Variants in IMPG2 observed in about 807,000 individuals in gnomAD.
IMPG2 encodes the protein IPM 200.
Under a neutral mutation model 129.2 loss-of-function variants are expected in IMPG2, and 91 were observed. The ratio of observed to expected loss-of-function variants is 0.70; its 90% CI spans 0.59 to 0.84. The LOEUF (loss-of-function observed/expected upper bound fraction) is 0.84, where lower values mean the gene tolerates loss of function less well. IMPG2 is among the 40% of genes least tolerant of loss of function. The pLI, the probability that IMPG2 is intolerant of heterozygous loss-of-function variation, is 0.00. For missense variants in IMPG2, 1,430 were observed against 1,461.7 expected (o/e 0.98, Z 0.35); for synonymous variants, 510 against 517.7 (o/e 0.99, Z 0.20).
chr3:101,268,113 C>A (rs1706741131), intron 8 of IMPG2, among the ~76,000 whole-genome samples: 1 of 152,010 alleles, frequency 6.6e-6, no homozygotes, highest in African/African-American at 2.4e-5. Flanking sequence ...AAACTACAGA[C>A]CAAAGAAGAT....
At chr3:101,232,231 T>TA (rs1226950931) in intron 15 of IMPG2, among the ~76,000 whole-genome samples, 2 of 151,012 alleles carry the variant, frequency 1.3e-5, no homozygotes, top group Admixed American at 6.6e-5. Context: ...TTATTTTTTT[T>TA]TTATTTATTT....
intron 2 of IMPG2, among the ~76,000 whole-genome samples, chr3:101,318,051 A>C (rs2058793974): frequency 6.6e-6 from 1 of 151,566 alleles, no homozygotes; most frequent in Non-Finnish European, 1.5e-5. Flanking sequence ...CAGGAGAATC[A>C]CTTGAACCCA....
chr3:101,253,165 G>A (rs1489023851), intron 11 of IMPG2, among the ~76,000 whole-genome samples: 5 of 152,090 alleles, frequency 3.3e-5, no homozygotes, highest in East Asian at 1.9e-4. Flanking sequence ...CTATGCAAGC[G>A]GGAATGTTTT....
chr3:101,267,717 T>G (rs1181395916), intron 8 of IMPG2, among the ~76,000 whole-genome samples, 186 bp from the exon 9 acceptor site: 1 of 152,242 alleles, frequency 6.6e-6, no homozygotes, highest in African/African-American at 2.4e-5. Flanking sequence ...CATTTTATTT[T>G]AAAACCATGG....
At chr3:101,243,379 C>T in intron 13 of IMPG2, 150 bp downstream of exon 13, 1 of 737,620 alleles carries the variant, frequency 1.4e-6, no homozygotes, top group South Asian at 1.7e-5. Flanking sequence ...CTTACCAACC[C>T]TAGGCCATGA....
At chr3:101,306,169 G>C (rs1408335390) in intron 2 of IMPG2, among the ~76,000 whole-genome samples, 1 of 152,104 alleles carries the variant, frequency 6.6e-6, no homozygotes, top group Non-Finnish European at 1.5e-5. Flanking sequence ...AATAATTACT[G>C]CCTTATTATC....
chr3:101,283,289 T>C (rs1297253134), intron 4 of IMPG2, among the ~76,000 whole-genome samples: 1 of 152,174 alleles, frequency 6.6e-6, no homozygotes, highest in Admixed American at 6.5e-5. Flanking sequence ...CCTCCCAAAG[T>C]GCTGGGATTA....
intron 2 of IMPG2, among the ~76,000 whole-genome samples, chr3:101,306,682 T>C (rs937902573): frequency 2.0e-5 from 3 of 151,626 alleles, no homozygotes; most frequent in Admixed American, 6.6e-5. Context: ...TTGAAAAAAA[T>C]AACTATCTAC....
intron 6 of IMPG2, among the ~76,000 whole-genome samples, chr3:101,274,165 G>C (rs1706818241): frequency 6.6e-6 from 1 of 151,870 alleles, no homozygotes; most frequent in African/African-American, 2.4e-5. Flanking sequence ...CTCCAGCCTG[G>C]GTGACGGAGC....
intron 8 of IMPG2, among the ~76,000 whole-genome samples, chr3:101,268,823 T>G (rs1706748309): frequency 6.6e-6 from 1 of 152,164 alleles, no homozygotes; most frequent in Admixed American, 6.6e-5. Flanking sequence ...TCAGCTGCTC[T>G]GTTTCAAAAT....
rs1273636540 is a variant in IMPG2, at chr3:101,253,681, A to G, written c.1239+15T>C. The stretch of plus-strand genomic sequence containing the variant: ...GCTTGAGGGCCTGGTTCTAGCATAA[A>G]ACATAAAAACATACCAGAATAGATG... On this transcript the variant is annotated intron_variant, in intron 11 of 18. Transcript: ENST00000193391. The G allele has an allele frequency of 6.3e-7, 1 of 1,588,810 alleles. No individual in the cohort carries two copies. The highest frequency in any genetic ancestry group is 8.6e-7 in the Non-Finnish European group (1 of 1,158,656).
chr3:101,242,825 T>G lies in IMPG2; in HGVS notation c.2885A>C (p.Asn962Thr). 1 of 1,614,082 alleles carries G rather than the reference T, an allele frequency of 6.2e-7. No individual in the cohort carries two copies. The highest frequency in any genetic ancestry group is 8.5e-7 in the Non-Finnish European group (1 of 1,179,980). ...AGAATTGGCAAACTTCATTCGACTG[T>G]TCACCACAATGCTGCCATTTCTGAA... The part of the protein sequence containing the change: ...LNFRNGSIVV[N>T]SRMKFANSVP... The change falls in exon 14 of 19, where the codon AAC (asparagine) becomes ACC (threonine). Residue 962 changes from asparagine (N) to threonine (T), a missense_variant. Physicochemically the swap from Asn to Thr is moderately conservative, Grantham distance 65. Coordinates refer to ENST00000193391, the MANE Select transcript of IMPG2 (RefSeq NM_016247.4).
At chr3:101,284,190 G>T (rs1706921786) in intron 4 of IMPG2, among the ~76,000 whole-genome samples, 1 of 152,198 alleles carries the variant, frequency 6.6e-6, no homozygotes, top group Admixed American at 6.5e-5. Flanking sequence ...AGAGTTAATT[G>T]GGTTGGGGGC....
At position 101,229,574 on chromosome 3, in the gene IMPG2, G is replaced by A. The variant is rs111784356; in HGVS notation, c.3439C>T (p.Pro1147Ser). Residue 1147 changes from proline (P) to serine (S), a missense_variant, in exon 17 of 19, where the codon CCT (proline) becomes TCT (serine). By Grantham distance (74) the Pro-to-Ser change is moderately conservative. Coordinates refer to ENST00000193391, the MANE Select transcript of IMPG2 (RefSeq NM_016247.4). ...TTCTCAATAGATGAGAGGCTGTCAGGCTGCCTGCTGGAGCCACTAAAAGAA... is the reference window on the plus strand; with the variant it reads ...TTCTCAATAGATGAGAGGCTGTCAGACTGCCTGCTGGAGCCACTAAAAGAA... ...ESPFSGSSRQ[P>S]DSLSSIENAV... 3.6e-3 allele frequency: 5,780 copies of A among 1,613,846 alleles called. 166 individuals are homozygous for A. The African/African-American group carries it at 0.066, about 19-fold the overall frequency.
intron 16 of IMPG2, 26 bp from the exon 17 acceptor site, chr3:101,229,616 G>A (rs917957461): frequency 3.7e-6 from 6 of 1,601,038 alleles, no homozygotes; most frequent in Non-Finnish European, 5.1e-6. Flanking sequence ...GATGGATTCA[G>A]GCTCTTGTTT....
Position 101,257,574 on chromosome 3 carries a change from T to A in IMPG2, c.1108A>T (p.Asn370Tyr). Residue 370 changes from asparagine (N) to tyrosine (Y), a missense_variant, in exon 10 of 19, where the codon AAC becomes TAC. Coordinates refer to ENST00000193391, the MANE Select transcript of IMPG2 (RefSeq NM_016247.4). ...ETLQQNFLLG[N>Y]SSLNPDPDSL... ...TCAGGATCTGGATTCAAGGAAGAGT[T>A]CCCCAGCAAAAAATTCTGCTGCAAT... 1 of 1,613,344 alleles carries A rather than the reference T, an allele frequency of 6.2e-7. No individual in the cohort carries two copies. Among genetic ancestry groups the A allele is most frequent in the Non-Finnish European group, 8.5e-7 (1 of 1,179,506 alleles).
At chr3:101,232,501 G>T (rs1257997061) in intron 15 of IMPG2, among the ~76,000 whole-genome samples, 1 of 152,022 alleles carries the variant, frequency 6.6e-6, no homozygotes, top group Admixed American at 6.5e-5. Flanking sequence ...GCCTCCCAAA[G>T]TGCTGGGATT....
intron 10 of IMPG2, among the ~76,000 whole-genome samples, chr3:101,254,494 G>T (rs997336676): frequency 1.3e-5 from 2 of 152,026 alleles, no homozygotes; most frequent in Non-Finnish European, 2.9e-5. Flanking sequence ...TGCCCACGGG[G>T]GAGAGGGAAT....
At position 101,304,387 on chromosome 3, in the gene IMPG2, C is replaced by T. The variant is rs934994546; in HGVS notation, c.335-75G>A. ...TTCTTACAATGATCATAGACTGATT[C>T]GTACAGATTCCTTGAGACACTGAAG... On this transcript the variant is annotated intron_variant, in intron 2 of 18. Coordinates refer to ENST00000193391, the MANE Select transcript of IMPG2 (RefSeq NM_016247.4). 25 of 1,344,882 alleles carry T rather than the reference C, an allele frequency of 1.9e-5. No homozygotes were observed. The African/African-American group carries it at 2.6e-4, about 14-fold the overall frequency. The allele number at this position is 1,344,882 out of a possible 1,614,324, so 83.3% of individuals were successfully genotyped here. A position where few individuals can be genotyped will look rare whatever the true frequency, so the allele number is the denominator to read the frequency against.
Sources: gnomAD v4.1 joint callset for allele counts (sites outside exome capture counted in the v4.1 genomes callset) on GRCh38, gnomAD v4.1.1 for gene constraint, MANE v1.5 for transcripts, NCBI Gene and HGNC (gene_info 2026-07-23, HGNC 2026-07-21) for gene names.